The following NCCRP1 variants were observed in gnomAD, a reference collection of about 807,000 sequenced individuals.
NCCRP1 encodes the protein NCCRP1, F-box associated domain containing.
Under a neutral mutation model 34.4 loss-of-function variants are expected in NCCRP1, and 32 were observed. That is an observed-to-expected ratio of 0.93 (90% CI 0.70 to 1.25). The LOEUF (loss-of-function observed/expected upper bound fraction) is 1.25. NCCRP1 is among the 50% of genes most tolerant of loss of function. The pLI is 0.00. For missense variants in NCCRP1, 372 were observed against 391.8 expected (o/e 0.95, Z 0.43); for synonymous variants, 172 against 180.1 (o/e 0.95, Z 0.36).
rs760186843 is a variant in NCCRP1, at chr19:39,200,707, G to A, written c.779G>A (p.Arg260Gln). ...AKNRMEPGGL[R>Q]RTRVTDSSVS... Reference sequence around the variant, plus strand: ...AACCGCATGGAGCCTGGTGGGCTGCGGCGGACACGGGTGACCGACTCCTCC... The same window carrying A: ...AACCGCATGGAGCCTGGTGGGCTGCAGCGGACACGGGTGACCGACTCCTCC... Residue 260 changes from arginine to glutamine, a missense_variant, in exon 6 of 6, where the codon CGG becomes CAG. By Grantham distance (43) the Arg-to-Gln change is conservative. Transcript: ENST00000339852. This position sits in a 1 kb window ranked among gnomAD's most constrained non-coding sequence, Gnocchi z 5.8. The A allele has an allele frequency of 2.7e-5, 44 of 1,613,662 alleles. No homozygotes were observed. The highest frequency in any genetic ancestry group is 5.5e-5 in the South Asian group (5 of 91,088).
intron 1 of NCCRP1, among the ~76,000 whole-genome samples, chr19:39,197,757 A>G (rs1302552672): frequency 3.3e-5 from 5 of 152,106 alleles, no homozygotes; most frequent in African/African-American, 9.7e-5. Context: ...TTGTATTTTT[A>G]GTAGACACAG....
intron 1 of NCCRP1, 143 bp from the exon 2 acceptor site, chr19:39,197,910 C>A: frequency 1.1e-6 from 1 of 870,796 alleles, no homozygotes; most frequent in Non-Finnish European, 1.9e-6. Context: ...CAGCCCAGAG[C>A]CCTGACTCAC....
chr19:39,201,764 G>A lies in NCCRP1; in HGVS notation c.*1008G>A, dbSNP rs2074789828. The A allele has an allele frequency of 6.6e-6, 1 of 152,170 alleles. No homozygotes were observed. The highest frequency in any genetic ancestry group is 1.5e-5 in the Non-Finnish European group (1 of 68,042). 9.4% of individuals were successfully genotyped at this position (152,170 alleles called of 1,614,324 possible). A position where few individuals can be genotyped will look rare whatever the true frequency, so the allele number is the denominator to read the frequency against. ...CCCACAAACCCAGGCATCTATCAAA[G>A]TCCCTCATTCATGAGGGTGGTGAGG... On this transcript the variant is annotated 3_prime_UTR_variant, in exon 6 of 6. Coordinates refer to ENST00000339852, the MANE Select transcript of NCCRP1 (RefSeq NM_001001414.2).
intron 1 of NCCRP1, 35 bp downstream of exon 1, chr19:39,197,354 C>G (rs1275378075): frequency 2.2e-6 from 3 of 1,383,380 alleles, no homozygotes; most frequent in Non-Finnish European, 2.8e-6. Flanking sequence ...GGAGGCACCA[C>G]CCTGACCGTC....
chr19:39,197,439 CCTCTGT>C, intron 1 of NCCRP1, 120 bp downstream of exon 1: 2 of 864,222 alleles, frequency 2.3e-6, no homozygotes, highest in Non-Finnish European at 3.2e-6. Context: ...TCTCTGCATC[CCTCTGT>C]CTCTTTTTCT....
At chr19:39,199,084 C>G (rs764653523) in intron 3 of NCCRP1, 86 bp from the exon 4 acceptor site, 157 of 1,294,426 alleles carry the variant, frequency 1.2e-4, no homozygotes, top group Non-Finnish European at 1.4e-4. Context: ...CCCAAGCTAT[C>G]CCTAAGAAAG....
Position 39,199,280 on chromosome 19 carries a change from C to T in NCCRP1, c.548+15C>T. On this transcript the variant is annotated intron_variant, in intron 4 of 5. Transcript: ENST00000339852. Reference sequence around the variant, plus strand: ...GTCATGGACTGGTGCGTGCCCCTCCCCTGCCAGCCTGACCCCGTGATCGCG... The same window carrying T: ...GTCATGGACTGGTGCGTGCCCCTCCTCTGCCAGCCTGACCCCGTGATCGCG... 6.2e-7 allele frequency: 1 copy of T among 1,610,918 alleles called. No homozygotes were observed. Among genetic ancestry groups the T allele is most frequent in the Non-Finnish European group, 8.5e-7 (1 of 1,178,008 alleles).
Position 39,197,164 on chromosome 19 carries a change from C to G in NCCRP1, c.182C>G (p.Pro61Arg). The change falls in exon 1 of 6, where the codon CCG becomes CGG. Residue 61 changes from proline to arginine, a missense_variant. Pro to Arg is a moderately radical substitution (Grantham distance 103). Coordinates refer to ENST00000339852, the MANE Select transcript of NCCRP1 (RefSeq NM_001001414.2). ...CCGGAGGCCCCCGAGCTCCCCGAGC[C>G]GGCGCAGCCGTCCGAGGCTCACGCC... ...AAPEAPELPE[P>R]AQPSEAHARQ... 1.4e-6 allele frequency: 2 copies of G among 1,443,758 alleles called. No individual in the cohort carries two copies. Among genetic ancestry groups the G allele is most frequent in the Non-Finnish European group, 1.8e-6 (2 of 1,112,108 alleles). 89.4% of individuals were successfully genotyped at this position (1,443,758 alleles called of 1,614,324 possible).
Position 39,198,060 on chromosome 19 carries a change from C to T in NCCRP1, c.345C>T (p.Asn115=), listed in dbSNP as rs149463132. ...LLRSPNPEGI[N]IYEPAPPTGP... ...CTCACCTGTCCATTTCAGGCATCAA[C>T]ATTTATGAGCCAGCACCCCCTACTG... The change falls in exon 2 of 6, where the codon AAC becomes AAT. Residue 115 remains asparagine, a synonymous_variant. Coordinates refer to ENST00000339852, the MANE Select transcript of NCCRP1 (RefSeq NM_001001414.2). 20 of 1,613,710 alleles carry T rather than the reference C, an allele frequency of 1.2e-5. No individual in the cohort carries two copies. The highest frequency in any genetic ancestry group is 2.7e-5 in the African/African-American group (2 of 74,932).
At position 39,200,569 on chromosome 19, in the gene NCCRP1, G is replaced by C; in HGVS notation, c.688-47G>C. The C allele has an allele frequency of 6.2e-7, 1 of 1,611,496 alleles. No homozygotes were observed. The highest frequency in any genetic ancestry group is 8.5e-7 in the Non-Finnish European group (1 of 1,178,890). ...ACAGAGGGAGGAGAACAGGTCCGCG[G>C]GTCCTCAAAAAGGGCTCCTCCCTAA... On this transcript the variant is annotated intron_variant, in intron 5 of 5. Transcript: ENST00000339852. This position sits in a 1 kb window ranked among gnomAD's most constrained non-coding sequence, Gnocchi z 5.8.
chr19:39,198,236 G>C lies in NCCRP1; in HGVS notation c.435G>C (p.Lys145Asn), dbSNP rs554398490. 13 of 1,614,136 alleles carry C rather than the reference G, an allele frequency of 8.1e-6. No individual in the cohort carries two copies. The highest frequency in any genetic ancestry group is 3.3e-4 in the Middle Eastern group (2 of 6,062). ...GTGGCTGGTACATTAGAACTGAAAA[G>C]CTCCAGCAGAACCAAAGGTGAGTCG... ...NFRGWYIRTE[K>N]LQQNQSWTVK... Residue 145 changes from lysine to asparagine, a missense_variant, in exon 3 of 6, where the codon AAG (lysine) becomes AAC (asparagine). Lys to Asn is a moderately conservative substitution (Grantham distance 94). Coordinates refer to ENST00000339852, the MANE Select transcript of NCCRP1 (RefSeq NM_001001414.2).
intron 3 of NCCRP1, 90 bp downstream of exon 3, chr19:39,198,343 T>C: frequency 7.4e-7 from 1 of 1,350,728 alleles, no homozygotes; most frequent in South Asian, 1.2e-5. Context: ...TTGGCCTCTC[T>C]GGACCTCCAT....
chr19:39,199,498 C>A (rs28703900), intron 4 of NCCRP1, among the ~76,000 whole-genome samples: 2 of 81,356 alleles, frequency 2.5e-5, no homozygotes, highest in Non-Finnish European at 2.8e-5. Context: ...TTTTTTTTTT[C>A]TTTTTTCTTT....
At position 39,200,311 on chromosome 19, in the gene NCCRP1, G is replaced by T. The variant is rs776839578; in HGVS notation, c.549-35G>T. On this transcript the variant is annotated intron_variant, in intron 4 of 5. Transcript: ENST00000339852. The surrounding 1 kb of genome is among the most constrained non-coding windows in gnomAD (Gnocchi z 5.8). The stretch of plus-strand genomic sequence containing the variant: ...GGGCTGGGGCTGGGTAGCTGAGACT[G>T]CAGTGACAGCTGAAGGCCTTGACTC... 6.2e-7 allele frequency: 1 copy of T among 1,609,192 alleles called. No individual in the cohort carries two copies. Among genetic ancestry groups the T allele is most frequent in the South Asian group, 1.1e-5 (1 of 90,706 alleles).
In NCCRP1 at chr19:39,196,997, T is replaced by TGA; in HGVS notation, c.17_18dup (p.Gly7ArgfsTer75). Reference sequence around the variant, plus strand: ...AGCCTCGAGGGATGGAGGAGGTGCGTGAGGGACACGCGCTCGGTGGCGGGA... The same window carrying TGA: ...AGCCTCGAGGGATGGAGGAGGTGCGTGAGAGGGACACGCGCTCGGTGGCGGGA... On this transcript the variant is annotated frameshift_variant, in exon 1 of 6. Coordinates refer to ENST00000339852, the MANE Select transcript of NCCRP1 (RefSeq NM_001001414.2). LOFTEE classifies it high-confidence loss of function. 1 of 1,536,200 alleles carries TGA rather than the reference T, an allele frequency of 6.5e-7. No individual in the cohort carries two copies. Among genetic ancestry groups the TGA allele is most frequent in the Non-Finnish European group, 8.7e-7 (1 of 1,148,438 alleles).
At chr19:39,199,589 T>A (rs902695382) in intron 4 of NCCRP1, among the ~76,000 whole-genome samples, 1 of 138,824 alleles carries the variant, frequency 7.2e-6, no homozygotes, top group Admixed American at 7.8e-5. Context: ...CTCAGCTCAC[T>A]GCTACCTCTG....
At position 39,200,298 on chromosome 19, in the gene NCCRP1, G is replaced by T; in HGVS notation, c.549-48G>T. 6.2e-7 allele frequency: 1 copy of T among 1,605,172 alleles called. No individual in the cohort carries two copies. ...GGAATGGGGCCAGGGGCTGGGGCTG[G>T]GTAGCTGAGACTGCAGTGACAGCTG... On this transcript the variant is annotated intron_variant, in intron 4 of 5. Coordinates refer to ENST00000339852, the MANE Select transcript of NCCRP1 (RefSeq NM_001001414.2). The surrounding 1 kb of genome is among the most constrained non-coding windows in gnomAD (Gnocchi z 5.8).
At chr19:39,198,991 T>C (rs2074774947) in intron 3 of NCCRP1, among the ~76,000 whole-genome samples, 179 bp from the exon 4 acceptor site, 1 of 152,158 alleles carries the variant, frequency 6.6e-6, no homozygotes, top group Non-Finnish European at 1.5e-5. Context: ...GTCTGTAGCA[T>C]GGGGTTCAGG....
Position 39,197,112 on chromosome 19 carries a change from C to T in NCCRP1, c.130C>T (p.Pro44Ser). ...PPPSPPPLPS[P>S]PSLPSPAAPE... ...GCCGTCGCCGCCACCACTGCCCTCG[C>T]CGCCGTCGCTGCCATCGCCCGCAGC... The change falls in exon 1 of 6, where the codon CCG (proline) becomes TCG (serine). Residue 44 changes from proline to serine, a missense_variant. Transcript: ENST00000339852. The T allele has an allele frequency of 6.6e-7, 1 of 1,521,344 alleles. No individual in the cohort carries two copies. 94.2% of individuals were successfully genotyped at this position (1,521,344 alleles called of 1,614,324 possible).
Sources: gnomAD v4.1 joint callset for allele counts (sites outside exome capture counted in the v4.1 genomes callset) on GRCh38, gnomAD v4.1.1 for gene constraint, Gnocchi (gnomAD v3.1) non-coding constraint, MANE v1.5 for transcripts, NCBI Gene and HGNC (gene_info 2026-07-23, HGNC 2026-07-21) for gene names.